ARID3B: variants seen among roughly 807,000 people sequenced by gnomAD.
ARID3B encodes the protein AT-rich interactive domain-containing protein 3B.
A neutral mutation model predicts 51.9 loss-of-function variants in ARID3B; 10 were observed. The ratio of observed to expected loss-of-function variants is 0.19; its 90% CI spans 0.12 to 0.33. ARID3B has a LOEUF of 0.33. Among genes scored for constraint, ARID3B ranks in the 10% least tolerant of loss-of-function variants. ARID3B has a pLI of 1.00. For missense variants in ARID3B, 483 were observed against 716.3 expected (o/e 0.67, Z 3.72); for synonymous variants, 205 against 279.5 (o/e 0.73, Z 2.66).
chr15:74,579,324 G>A (rs746292923), intron 4 of ARID3B, among the ~76,000 whole-genome samples: 9 of 152,176 alleles, frequency 5.9e-5, no homozygotes, highest in Non-Finnish European at 1.2e-4. Flanking sequence ...GCATAAAGAA[G>A]CCTGAGAAGA....
chr15:74,561,072 A>G (rs1394932017), intron 2 of ARID3B, among the ~76,000 whole-genome samples: 1 of 152,158 alleles, frequency 6.6e-6, no homozygotes, highest in African/African-American at 2.4e-5. Flanking sequence ...GGTGTGACCC[A>G]CCGTGCCCAG....
chr15:74,543,969 G>A lies in ARID3B; in HGVS notation c.33G>A (p.Gln11=), dbSNP rs2141371102. 1.9e-6 allele frequency: 3 copies of A among 1,611,552 alleles called. No homozygotes were observed. Among genetic ancestry groups the A allele is most frequent in the Middle Eastern group, 1.7e-4 (1 of 6,040 alleles). The part of the protein sequence containing the change: MEPLQQQQQQ[Q]QQQQKQPHLA... The stretch of plus-strand genomic sequence containing the variant: ...CACTTCAGCAGCAGCAGCAGCAGCA[G>A]CAGCAACAACAGAAGCAGCCACACC... Residue 11 remains glutamine (Q), a synonymous_variant, in exon 2 of 9, where the codon CAG becomes CAA. Transcript: ENST00000346246.
At chr15:74,562,765 A>G (rs964568130) in intron 2 of ARID3B, among the ~76,000 whole-genome samples, 1 of 152,210 alleles carries the variant, frequency 6.6e-6, no homozygotes, top group Non-Finnish European at 1.5e-5. Flanking sequence ...ACTATTTTAT[A>G]TTTCCAGTAT....
At position 74,591,222 on chromosome 15, in the gene ARID3B, C is replaced by T; in HGVS notation, c.953C>T (p.Ala318Val). Residue 318 changes from alanine to valine, a missense_variant, in exon 6 of 9, where the codon GCA (alanine) becomes GTA (valine). Ala to Val is a moderately conservative substitution (Grantham distance 64). Coordinates refer to ENST00000346246, the MANE Select transcript of ARID3B (RefSeq NM_006465.4). This position sits in a 1 kb window ranked among gnomAD's most constrained non-coding sequence, Gnocchi z 5.8. ...AGTTCCCCAGCCGAGCTCCAGGCAGCAATTGATGGCAACCGCAGGGAGGGC... is the reference window on the plus strand; with the variant it reads ...AGTTCCCCAGCCGAGCTCCAGGCAGTAATTGATGGCAACCGCAGGGAGGGC... Reference protein sequence around the residue: ...ALSSPAELQAAIDGNRREGRR... With the variant: ...ALSSPAELQAVIDGNRREGRR... 1.2e-6 allele frequency: 2 copies of T among 1,613,722 alleles called. No homozygotes were observed. Among genetic ancestry groups the T allele is most frequent in the Non-Finnish European group, 1.7e-6 (2 of 1,179,650 alleles).
intron 2 of ARID3B, among the ~76,000 whole-genome samples, chr15:74,559,400 A>G (rs1348937020): frequency 2.6e-5 from 4 of 152,202 alleles, no homozygotes; most frequent in Non-Finnish European, 2.9e-5. Context: ...ACATCAGACT[A>G]TCCTCACTCA....
chr15:74,576,867 CTG>C (rs1053029808), intron 4 of ARID3B, among the ~76,000 whole-genome samples: 5 of 152,114 alleles, frequency 3.3e-5, no homozygotes, highest in Non-Finnish European at 5.9e-5. Context: ...GGAAAAAATG[CTG>C]TGACACATGT....
intron 4 of ARID3B, among the ~76,000 whole-genome samples, chr15:74,581,860 T>C (rs1255055863): frequency 1.3e-5 from 2 of 152,230 alleles, no homozygotes; most frequent in African/African-American, 4.8e-5. Flanking sequence ...AGTGAACCAA[T>C]ATTCAGTAAA....
At chr15:74,565,823 C>T (rs2061696117) in intron 2 of ARID3B, among the ~76,000 whole-genome samples, 1 of 151,514 alleles carries the variant, frequency 6.6e-6, no homozygotes, top group East Asian at 1.9e-4. Context: ...CCTCTTTCTT[C>T]TCATTGGAAG....
chr15:74,557,253 G>GA (rs916518478), intron 2 of ARID3B, among the ~76,000 whole-genome samples: 133 of 141,090 alleles, frequency 9.4e-4, no homozygotes, highest in Non-Finnish European at 8.9e-4. Flanking sequence ...TGTCTCTACC[G>GA]AAAAAAAAAA....
At chr15:74,548,732 TTC>T (rs1290020384) in intron 2 of ARID3B, among the ~76,000 whole-genome samples, 4 of 152,268 alleles carry the variant, frequency 2.6e-5, no homozygotes, top group South Asian at 2.1e-4. Context: ...ACAGCGTGGG[TTC>T]TCTCTGAATT....
chr15:74,585,607 T>C (rs888617420), intron 4 of ARID3B, among the ~76,000 whole-genome samples: 3 of 152,268 alleles, frequency 2.0e-5, no homozygotes, highest in Non-Finnish European at 2.9e-5. Context: ...ATTTTTGTTT[T>C]AATTTTTTAT....
Position 74,573,215 on chromosome 15 carries a change from A to G in ARID3B, c.697+11A>G, listed in dbSNP as rs1170293384. 6.2e-7 allele frequency: 1 copy of G among 1,613,030 alleles called. No individual in the cohort carries two copies. The highest frequency in any genetic ancestry group is 2.2e-5 in the East Asian group (1 of 44,876). On this transcript the variant is annotated intron_variant, in intron 4 of 8. Coordinates refer to ENST00000346246, the MANE Select transcript of ARID3B (RefSeq NM_006465.4). The stretch of plus-strand genomic sequence containing the variant: ...TTATGCAGAAGAGGGGTGAGTGTGC[A>G]TCTACTCATCATTCCAATTCAGGGA...
intron 2 of ARID3B, among the ~76,000 whole-genome samples, chr15:74,570,293 A>G (rs2141463765): frequency 6.6e-6 from 1 of 151,902 alleles, no homozygotes; most frequent in South Asian, 2.1e-4. Context: ...GTTTATTTTC[A>G]CACATAGTCA....
chr15:74,560,031 T>TAAAAAAAAA lies in ARID3B; in HGVS notation c.553-12829_553-12821dup, dbSNP rs71137394. 2.5e-4 allele frequency among the ~76,000 whole-genome samples: 9 copies of TAAAAAAAAA among 35,640 alleles called. 1 individual carries two copies. The highest frequency in any genetic ancestry group is 1.7e-3 in the South Asian group (1 of 598). The allele number at this position is 35,640 out of a possible 152,430, so 23.4% of individuals were successfully genotyped here. ...CAACATGGCGAAACCCTGTCTCTACTAAAAAAAAAACCACACACACAAAAA... is the reference window on the plus strand; with the variant it reads ...CAACATGGCGAAACCCTGTCTCTACTAAAAAAAAAAAAAAAAAAACCACACACACAAAAA... On this transcript the variant is annotated intron_variant, in intron 2 of 8. Transcript: ENST00000346246.
intron 2 of ARID3B, among the ~76,000 whole-genome samples, chr15:74,559,591 A>G (rs1235226601): frequency 6.6e-6 from 1 of 152,208 alleles, no homozygotes; most frequent in Non-Finnish European, 1.5e-5. Context: ...GTGGTCTCAC[A>G]GTTGGGAAGC....
chr15:74,560,768 G>A (rs1160503096), intron 2 of ARID3B, among the ~76,000 whole-genome samples: 2 of 152,308 alleles, frequency 1.3e-5, no homozygotes, highest in East Asian at 3.9e-4. Context: ...GAATGTACTT[G>A]TGTATGTGTG....
chr15:74,545,490 T>C (rs1474110587), intron 2 of ARID3B, among the ~76,000 whole-genome samples: 1 of 152,206 alleles, frequency 6.6e-6, no homozygotes, highest in African/African-American at 2.4e-5. Flanking sequence ...AGGGAATCTT[T>C]GTTTTCAACC....
intron 4 of ARID3B, 81 bp downstream of exon 4, chr15:74,573,285 C>T: frequency 7.0e-7 from 1 of 1,430,572 alleles, no homozygotes; most frequent in Non-Finnish European, 9.9e-7. Context: ...GTTAGACATC[C>T]TGGCCCACTA....
intron 2 of ARID3B, among the ~76,000 whole-genome samples, chr15:74,553,239 G>A (rs1179069170): frequency 6.6e-6 from 1 of 152,222 alleles, no homozygotes; most frequent in Non-Finnish European, 1.5e-5. Flanking sequence ...TACAGGTATA[G>A]TATGCTGTCA....
Sources: allele counts gnomAD v4.1 joint callset (sites outside exome capture counted in the v4.1 genomes callset), GRCh38; gene constraint gnomAD v4.1.1; non-coding constraint Gnocchi (gnomAD v3.1); transcripts MANE v1.5; gene names NCBI Gene and HGNC (gene_info 2026-07-23, HGNC 2026-07-21).